The following CACNA2D3 variants were observed in gnomAD, a reference collection of about 807,000 sequenced individuals.
CACNA2D3 encodes the protein calcium voltage-gated channel auxiliary subunit alpha2delta 3, also known as voltage-dependent calcium channel subunit alpha-2/delta-3.
In CACNA2D3, 60 loss-of-function variants were observed where a neutral mutation model predicts 160.6. That is an observed-to-expected ratio of 0.37 (90% CI 0.30 to 0.46). The LOEUF is 0.46. Among genes scored for constraint, CACNA2D3 ranks in the 20% least tolerant of loss-of-function variants. The pLI is 1.00. For missense variants in CACNA2D3, 1,205 were observed against 1,365.0 expected (o/e 0.88, Z 1.85); for synonymous variants, 558 against 492.9 (o/e 1.13, Z -1.75).
chr3:54,611,098 G>A (rs1398572869), intron 9 of CACNA2D3, among the ~76,000 whole-genome samples: 1 of 152,154 alleles, frequency 6.6e-6, no homozygotes, highest in Non-Finnish European at 1.5e-5. Context: ...CCTAATTGAG[G>A]GACTCAGCCA....
At chr3:54,737,180 ATATGTGTGTGTG>A (rs1361745345) in intron 11 of CACNA2D3, among the ~76,000 whole-genome samples, 9 of 91,794 alleles carry the variant, frequency 9.8e-5, no homozygotes, top group Admixed American at 9.6e-4. Flanking sequence ...ATCCATGTGT[ATATGTGTGTGTG>A]TGTGTGTGTG....
At chr3:54,197,760 G>GTGAGGGGAAC (rs1350491637) in intron 2 of CACNA2D3, among the ~76,000 whole-genome samples, 1 of 152,188 alleles carries the variant, frequency 6.6e-6, no homozygotes, top group Non-Finnish European at 1.5e-5. Context: ...GTTACAGTCT[G>GTGAGGGGAAC]TGAGGGGAAC....
intron 21 of CACNA2D3, among the ~76,000 whole-genome samples, chr3:54,884,260 T>C (rs564213107): frequency 6.6e-6 from 1 of 152,244 alleles, no homozygotes; most frequent in Non-Finnish European, 1.5e-5. Flanking sequence ...TCATGGTAGA[T>C]ATAACTCAAA....
At chr3:55,037,616 T>G (rs1265984794) in intron 35 of CACNA2D3, among the ~76,000 whole-genome samples, 1 of 152,210 alleles carries the variant, frequency 6.6e-6, no homozygotes, top group East Asian at 1.9e-4. Context: ...GCGATGGATT[T>G]CTCCAGATCA....
chr3:54,564,868 A>G (rs1702384671), intron 6 of CACNA2D3, among the ~76,000 whole-genome samples: 1 of 152,212 alleles, frequency 6.6e-6, no homozygotes, highest in Admixed American at 6.5e-5. Flanking sequence ...GGCTCATGTA[A>G]TTTGAAATCT....
At chr3:54,960,675 A>G (rs1480726065) in intron 27 of CACNA2D3, among the ~76,000 whole-genome samples, 1 of 152,210 alleles carries the variant, frequency 6.6e-6, no homozygotes, top group East Asian at 1.9e-4. Flanking sequence ...GGGGGACAAG[A>G]GTGCAGCTGC....
chr3:54,630,669 A>G (rs995201345), intron 10 of CACNA2D3, among the ~76,000 whole-genome samples: 2 of 152,200 alleles, frequency 1.3e-5, no homozygotes, highest in Non-Finnish European at 2.9e-5. Context: ...ATTTTGGGGC[A>G]TAATATTGTA....
At chr3:54,459,648 G>T (rs1169463047) in intron 4 of CACNA2D3, among the ~76,000 whole-genome samples, 1 of 151,848 alleles carries the variant, frequency 6.6e-6, no homozygotes, top group Non-Finnish European at 1.5e-5. Context: ...ATTTGTTTGA[G>T]TTCATTGTAG....
At chr3:54,290,409 A>G (rs542953317) in intron 2 of CACNA2D3, among the ~76,000 whole-genome samples, 1 of 152,192 alleles carries the variant, frequency 6.6e-6, no homozygotes, top group Non-Finnish European at 1.5e-5. Flanking sequence ...TCAGGAAACA[A>G]CAGGTGCTGG....
At chr3:55,004,528 CT>C (rs1330511629) in intron 31 of CACNA2D3, among the ~76,000 whole-genome samples, 1 of 152,352 alleles carries the variant, frequency 6.6e-6, no homozygotes, top group East Asian at 1.9e-4. Flanking sequence ...CCTCATCCCC[CT>C]CTACCCTTTC....
Position 54,627,877 on chromosome 3 carries a change from G to A in CACNA2D3, c.1053+1G>A. 4 of 1,582,574 alleles carry A rather than the reference G, an allele frequency of 2.5e-6. No individual in the cohort carries two copies. The highest frequency in any genetic ancestry group is 3.5e-6 in the Non-Finnish European group (4 of 1,156,978). On this transcript the variant is annotated splice_donor_variant, in intron 10 of 37. Transcript: ENST00000474759. LOFTEE classifies it high-confidence loss of function. ...TGAGGCCTTCAACATTCTGAGTGAT[G>A]TAAGTTCCTCTTTGATTTGCCTTTC...
intron 3 of CACNA2D3, among the ~76,000 whole-genome samples, chr3:54,359,267 A>AT (rs1218460744): frequency 6.6e-6 from 1 of 152,184 alleles, no homozygotes; most frequent in East Asian, 1.9e-4. Flanking sequence ...TAATTGAGTT[A>AT]TTATTTCAAA....
At chr3:54,410,930 TGAAAG>T (rs1699657848) in intron 4 of CACNA2D3, among the ~76,000 whole-genome samples, 1 of 152,170 alleles carries the variant, frequency 6.6e-6, no homozygotes, top group Admixed American at 6.5e-5. Flanking sequence ...TTCTGATTCA[TGAAAG>T]GAGGTAAAAC....
rs150404909 is a variant in CACNA2D3 at position 54,414,932 on chromosome 3, A to G, written c.381+28158A>G. Among the ~76,000 whole-genome samples, 304 of 151,698 alleles carry G rather than the reference A, an allele frequency of 2.0e-3. 1 individual carries two copies. The highest frequency in any genetic ancestry group is 6.4e-3 in the African/African-American group (263 of 41,378). The stretch of plus-strand genomic sequence containing the variant: ...ACAATATGTCACCAATTTCAATTTT[A>G]TTAAATATTTCAATGAACAAATACT... On this transcript the variant is annotated intron_variant, in intron 4 of 37. Transcript: ENST00000474759.
intron 14 of CACNA2D3, among the ~76,000 whole-genome samples, chr3:54,830,810 CTG>C (rs1703859948): frequency 6.6e-6 from 1 of 152,068 alleles, no homozygotes; most frequent in African/African-American, 2.4e-5. Context: ...GGCCCATACT[CTG>C]GAAATGGCTT....
At chr3:55,032,565 C>T (rs1703707163) in intron 35 of CACNA2D3, among the ~76,000 whole-genome samples, 1 of 152,162 alleles carries the variant, frequency 6.6e-6, no homozygotes, top group African/African-American at 2.4e-5. Context: ...GCAAAAAATA[C>T]TGGCTTTGGC....
intron 4 of CACNA2D3, among the ~76,000 whole-genome samples, chr3:54,444,669 G>A (rs1051229662): frequency 6.6e-6 from 1 of 152,172 alleles, no homozygotes; most frequent in African/African-American, 2.4e-5. Context: ...GGCACACTCA[G>A]AGCTGCCAGC....
chr3:54,626,390 T>G, intron 9 of CACNA2D3: 1 of 1,569,922 alleles, frequency 6.4e-7, no homozygotes. Context: ...CTGAAGTGCC[T>G]GCGCAAGGCC....
chr3:54,742,512 G>A (rs181008770), intron 11 of CACNA2D3, among the ~76,000 whole-genome samples: 1 of 152,254 alleles, frequency 6.6e-6, no homozygotes, highest in East Asian at 1.9e-4. Context: ...CAATATGGGG[G>A]TATCCAATTC....
Sources: allele counts gnomAD v4.1 joint callset (sites outside exome capture counted in the v4.1 genomes callset), GRCh38; gene constraint gnomAD v4.1.1; transcripts MANE v1.5; gene names NCBI Gene and HGNC (gene_info 2026-07-23, HGNC 2026-07-21).